Variants in PAM observed in about 807,000 individuals in gnomAD.
PAM encodes the protein peptidylglycine alpha-amidating monooxygenase, also known as peptidyl-glycine alpha-amidating monooxygenase.
A neutral mutation model predicts 122.1 loss-of-function variants in PAM; 72 were observed. The observed-to-expected ratio is 0.59, with a 90% CI of 0.49 to 0.72. The LOEUF (loss-of-function observed/expected upper bound fraction) is 0.72. Ranked by LOEUF, PAM falls within the 30% of genes least tolerant of loss-of-function variation. PAM has a pLI of 0.00. For missense variants in PAM, 1,106 were observed against 1,183.7 expected (o/e 0.93, Z 0.96); for synonymous variants, 389 against 404.4 (o/e 0.96, Z 0.46).
At chr5:102,946,732 C>G (rs1757167759) in intron 7 of PAM, 105 bp from the exon 8 acceptor site, 2 of 719,626 alleles carry the variant, frequency 2.8e-6, no homozygotes, top group East Asian at 5.4e-5. Flanking sequence ...TGAAACATAA[C>G]TTGTGTTTTA....
chr5:102,784,997 A>G (rs962479670), intron 1 of PAM, among the ~76,000 whole-genome samples: 2 of 152,222 alleles, frequency 1.3e-5, no homozygotes, highest in African/African-American at 4.8e-5. Flanking sequence ...CCCGCATATA[A>G]TTGGTTTAGG....
At chr5:102,801,684 A>T (rs1764738235) in intron 1 of PAM, among the ~76,000 whole-genome samples, 1 of 149,078 alleles carries the variant, frequency 6.7e-6, no homozygotes. Flanking sequence ...GCTTCCTTTT[A>T]TTTCATGAAA....
intron 4 of PAM, among the ~76,000 whole-genome samples, chr5:102,903,294 A>G (rs1798543043): frequency 6.6e-6 from 1 of 151,548 alleles, no homozygotes; most frequent in Non-Finnish European, 1.5e-5. Context: ...AACTATGCCC[A>G]GGTGGTTTGT....
chr5:102,779,924 C>CACACACACAT (rs775810552), intron 1 of PAM, among the ~76,000 whole-genome samples: 6 of 85,970 alleles, frequency 7.0e-5, no homozygotes, highest in East Asian at 3.4e-4. Context: ...TATATACACA[C>CACACACACAT]ATATATATAT....
At chr5:102,995,287 T>C (rs1264529347) in intron 16 of PAM, among the ~76,000 whole-genome samples, 5 of 152,158 alleles carry the variant, frequency 3.3e-5, no homozygotes, top group Admixed American at 2.0e-4. Context: ...TCTATCTTTC[T>C]CATATCGCAA....
At chr5:102,870,494 C>T (rs896939116) in intron 3 of PAM, among the ~76,000 whole-genome samples, 1 of 152,116 alleles carries the variant, frequency 6.6e-6, no homozygotes, top group Non-Finnish European at 1.5e-5. Flanking sequence ...TTCTGCCATA[C>T]CACAGGACTT....
intron 3 of PAM, among the ~76,000 whole-genome samples, chr5:102,892,073 A>G (rs1794938813): frequency 6.6e-6 from 1 of 151,710 alleles, no homozygotes; most frequent in African/African-American, 2.4e-5. Flanking sequence ...AATTCTGGCC[A>G]TTTAGATGTG....
At chr5:102,989,834 A>AGATAGATAGATAGATG (rs1466841867) in intron 15 of PAM, 3 of 152,232 alleles carry the variant, frequency 2.0e-5, no homozygotes, top group African/African-American at 4.8e-5. Context: ...ATAGATAGAT[A>AGATAGATAGATAGATG]GATGAGGGAA....
intron 3 of PAM, among the ~76,000 whole-genome samples, chr5:102,892,703 G>A (rs1248930711): frequency 6.6e-6 from 1 of 151,754 alleles, no homozygotes; most frequent in African/African-American, 2.4e-5. Context: ...CTTTCAAGTT[G>A]AAAATTCTGC....
chr5:102,832,019 C>T lies in PAM; in HGVS notation c.-373-33804C>T, dbSNP rs186186385. Among the ~76,000 whole-genome samples, 15 of 152,148 alleles carry T rather than the reference C, an allele frequency of 9.9e-5. 2 individuals carry two copies. Among genetic ancestry groups the T allele is most frequent in the African/African-American group, 3.6e-4 (15 of 41,520 alleles). On this transcript the variant is annotated intron_variant, in intron 1 of 25. Transcript: ENST00000438793. ...CAAAGTTTTATCTTCCATTGAAATC[C>T]AGCCTTCAAGGATGGTCTCAGAGCC...
intron 16 of PAM, among the ~76,000 whole-genome samples, chr5:102,993,944 C>G (rs895855315): frequency 2.6e-5 from 4 of 152,130 alleles, no homozygotes; most frequent in Non-Finnish European, 4.4e-5. Flanking sequence ...GAGTCTGTGG[C>G]TTAGCCTGTG....
At chr5:102,818,246 C>G (rs998684854) in intron 1 of PAM, among the ~76,000 whole-genome samples, 84 of 151,864 alleles carry the variant, frequency 5.5e-4, no homozygotes, top group African/African-American at 1.9e-3. Context: ...GCTTTATTCA[C>G]TTTATTCAAT....
chr5:102,948,534 A>G, intron 9 of PAM, 89 bp downstream of exon 9: 2 of 670,472 alleles, frequency 3.0e-6, no homozygotes, highest in Non-Finnish European at 5.3e-6. Flanking sequence ...AACTTTAAAA[A>G]TAATCAATAT....
At chr5:103,005,618 T>C (rs1443141091) in intron 18 of PAM, among the ~76,000 whole-genome samples, 1 of 152,174 alleles carries the variant, frequency 6.6e-6, no homozygotes, top group African/African-American at 2.4e-5. Context: ...ATGAGAACTC[T>C]ACCCTTTTGT....
chr5:102,797,326 C>T (rs1324638915), intron 1 of PAM, among the ~76,000 whole-genome samples: 1 of 152,104 alleles, frequency 6.6e-6, no homozygotes, highest in East Asian at 1.9e-4. Context: ...ATCATAAGAT[C>T]ATTATTAAAT....
intron 17 of PAM, 78 bp downstream of exon 17, chr5:103,003,227 C>A (rs991420820): frequency 2.2e-5 from 15 of 692,398 alleles, no homozygotes; most frequent in Non-Finnish European, 3.1e-5. Flanking sequence ...TCTTGAAATT[C>A]GAGTGTTTTG....
intron 1 of PAM, chr5:102,838,247 A>T (rs964980768): frequency 1.3e-5 from 2 of 152,056 alleles, no homozygotes; most frequent in African/African-American, 4.8e-5. Flanking sequence ...ATGTGATTTC[A>T]TCATTTTTAA....
intron 14 of PAM, among the ~76,000 whole-genome samples, chr5:102,971,460 C>T (rs1765801128): frequency 1.3e-5 from 2 of 152,106 alleles, no homozygotes; most frequent in Admixed American, 6.6e-5. Context: ...AGTTGCCATA[C>T]AGGGAAAGAC....
Position 102,926,654 on chromosome 5 carries a change from T to C in PAM, c.512T>C (p.Ile171Thr). 1 of 1,573,162 alleles carries C rather than the reference T, an allele frequency of 6.4e-7. No homozygotes were observed. Among genetic ancestry groups the C allele is most frequent in the South Asian group, 1.1e-5 (1 of 90,078 alleles). Reference protein sequence around the residue: ...YFVLQVHYGDISAFRDNNKDC... With the variant: ...YFVLQVHYGDTSAFRDNNKDC... ...GTACTACAGGTACACTATGGGGATA[T>C]TAGTGCTTTTAGAGGTAAGTTTTGA... is the stretch of plus-strand genomic sequence containing the variant. Residue 171 changes from isoleucine to threonine, a missense_variant, in exon 7 of 26, where the codon ATT becomes ACT. Transcript: ENST00000438793.
Sources: allele counts gnomAD v4.1 joint callset (sites outside exome capture counted in the v4.1 genomes callset), GRCh38; gene constraint gnomAD v4.1.1; transcripts MANE v1.5; gene names NCBI Gene and HGNC (gene_info 2026-07-23, HGNC 2026-07-21).